Variants in FBXL17 observed in about 807,000 individuals in gnomAD.
The protein encoded by FBXL17 is F-box/LRR-repeat protein 17.
In FBXL17, 22 loss-of-function variants were observed where a neutral mutation model predicts 66.2. That is an observed-to-expected ratio of 0.33 (90% CI 0.24 to 0.47). The LOEUF (loss-of-function observed/expected upper bound fraction) is 0.47. Among genes scored for constraint, FBXL17 ranks in the 20% least tolerant of loss-of-function variants. The pLI is 1.00. For synonymous variants in FBXL17, 474 were observed against 400.5 expected, an observed-to-expected ratio of 1.18 and a Z score of -2.19; for missense variants, 878 against 948.2, an observed-to-expected ratio of 0.93 and a Z score of 0.97.
chr5:108,261,601 C>A (rs1278841642), intron 4 of FBXL17, among the ~76,000 whole-genome samples: 2 of 151,988 alleles, frequency 1.3e-5, no homozygotes, highest in African/African-American at 4.8e-5. Context: ...TACAAGGCCA[C>A]AGAAGGTTTG....
chr5:108,062,793 A>G (rs920186828), intron 6 of FBXL17, among the ~76,000 whole-genome samples: 4 of 152,142 alleles, frequency 2.6e-5, no homozygotes, highest in Non-Finnish European at 1.5e-5. Context: ...AGAAGAAGTA[A>G]CTGCACAAAG....
At chr5:108,378,333 GTTTTTTTGT>G (rs1749593407) in intron 1 of FBXL17, among the ~76,000 whole-genome samples, 1 of 133,540 alleles carries the variant, frequency 7.5e-6, no homozygotes. Flanking sequence ...TTTGTTTTTT[GTTTTTTTGT>G]TTTGTTTTGT....
intron 6 of FBXL17, among the ~76,000 whole-genome samples, chr5:108,134,483 C>T (rs1418050889): frequency 6.6e-6 from 1 of 152,058 alleles, no homozygotes; most frequent in African/African-American, 2.4e-5. Context: ...CAGAAAAAGA[C>T]ACATAAAAAT....
intron 7 of FBXL17, among the ~76,000 whole-genome samples, chr5:108,012,644 A>G (rs1271705598): frequency 6.6e-6 from 1 of 152,198 alleles, no homozygotes; most frequent in Non-Finnish European, 1.5e-5. Flanking sequence ...CTGAATGCAT[A>G]CTATAGTGTT....
intron 7 of FBXL17, among the ~76,000 whole-genome samples, chr5:107,949,314 T>C (rs1751420880): frequency 6.6e-6 from 1 of 152,148 alleles, no homozygotes. Context: ...AACAGGGACA[T>C]TAATGACCAA....
intron 3 of FBXL17, among the ~76,000 whole-genome samples, chr5:108,357,167 T>C (rs941797968): frequency 1.3e-5 from 2 of 151,958 alleles, no homozygotes; most frequent in African/African-American, 4.8e-5. Flanking sequence ...ATTACAATTA[T>C]TAACTAAAAA....
chr5:107,944,374 T>C (rs1751214095), intron 7 of FBXL17, among the ~76,000 whole-genome samples: 1 of 152,180 alleles, frequency 6.6e-6, no homozygotes, highest in African/African-American at 2.4e-5. Context: ...CTTCTATGTG[T>C]CTGCTCTCAG....
At chr5:108,260,031 A>C (rs1756745062) in intron 4 of FBXL17, among the ~76,000 whole-genome samples, 1 of 149,538 alleles carries the variant, frequency 6.7e-6, no homozygotes, top group Admixed American at 6.9e-5. Context: ...TAAAAAAAAA[A>C]AACAAAAAAA....
At chr5:107,875,107 C>T (rs1351162948) in intron 8 of FBXL17, among the ~76,000 whole-genome samples, 3 of 143,426 alleles carry the variant, frequency 2.1e-5, no homozygotes, top group Admixed American at 2.1e-4. Context: ...CTCTCTCTCT[C>T]TTTTTTTTTT....
chr5:107,956,529 T>C (rs2112617981), intron 7 of FBXL17, among the ~76,000 whole-genome samples: 1 of 152,326 alleles, frequency 6.6e-6, no homozygotes, highest in East Asian at 1.9e-4. Context: ...GGCAAGTTAC[T>C]TAAACTCTGA....
intron 6 of FBXL17, among the ~76,000 whole-genome samples, chr5:108,112,546 C>A (rs1291074244): frequency 6.6e-6 from 1 of 152,110 alleles, no homozygotes; most frequent in Admixed American, 6.5e-5. Flanking sequence ...ATATTCACAA[C>A]GTTGGTCATC....
chr5:108,140,792 T>G (rs1405012836), intron 6 of FBXL17, among the ~76,000 whole-genome samples: 1 of 152,136 alleles, frequency 6.6e-6, no homozygotes. Context: ...ATTCATTGAA[T>G]GGTACCACCC....
At chr5:107,915,517 C>T (rs1750099354) in intron 7 of FBXL17, among the ~76,000 whole-genome samples, 1 of 152,126 alleles carries the variant, frequency 6.6e-6, no homozygotes, top group South Asian at 2.1e-4. Context: ...GGAAAAAATA[C>T]ACAACAGTCT....
At chr5:108,248,558 A>C (rs1002519064) in intron 4 of FBXL17, among the ~76,000 whole-genome samples, 1 of 152,154 alleles carries the variant, frequency 6.6e-6, no homozygotes, top group African/African-American at 2.4e-5. Context: ...AATGGAAGAA[A>C]TGTCCCCAAA....
At chr5:108,320,388 G>T (rs985690360) in intron 4 of FBXL17, among the ~76,000 whole-genome samples, 2 of 151,624 alleles carry the variant, frequency 1.3e-5, no homozygotes, top group African/African-American at 4.8e-5. Context: ...ATAAAACTCA[G>T]ACTTGAATCA....
chr5:108,233,697 C>T (rs1228540707), intron 4 of FBXL17, among the ~76,000 whole-genome samples: 2 of 152,090 alleles, frequency 1.3e-5, no homozygotes, highest in East Asian at 1.9e-4. Context: ...GATGTAGGCA[C>T]GTTTAGTGTT....
chr5:108,206,984 C>T (rs1033306134), intron 5 of FBXL17, among the ~76,000 whole-genome samples: 1 of 152,102 alleles, frequency 6.6e-6, no homozygotes, highest in African/African-American at 2.4e-5. Context: ...TACATTCTCA[C>T]AATGTGTAAA....
In FBXL17 at chr5:108,326,518, G is replaced by A. The variant is rs188966178; in HGVS notation, c.1506+21881C>T. Among the ~76,000 whole-genome samples, 95 of 152,060 alleles carry A rather than the reference G, an allele frequency of 6.2e-4. 1 individual carries two copies. In the East Asian group the frequency reaches 0.01, roughly 16 times the overall value. On this transcript the variant is annotated intron_variant, in intron 4 of 8. Transcript: ENST00000542267. The stretch of plus-strand genomic sequence containing the variant: ...CTCAGGAGGCTGAGGCAGGAGAATC[G>A]CTTAAACTCGGGAGGTGGAGGTTGT...
At chr5:108,322,014 T>C (rs543718508) in intron 4 of FBXL17, among the ~76,000 whole-genome samples, 4 of 151,802 alleles carry the variant, frequency 2.6e-5, no homozygotes, top group Admixed American at 6.6e-5. Context: ...TTCTTGACTG[T>C]CAAAATGGCA....
Sources: allele counts gnomAD v4.1 joint callset (sites outside exome capture counted in the v4.1 genomes callset), GRCh38; gene constraint gnomAD v4.1.1; transcripts MANE v1.5; gene names NCBI Gene and HGNC (gene_info 2026-07-23, HGNC 2026-07-21).